Variants in STPG2 observed in about 807,000 individuals in gnomAD.
STPG2 encodes the protein sperm tail PG-rich repeat containing 2, also known as sperm-tail PG-rich repeat-containing protein 2.
A neutral mutation model predicts 54.2 loss-of-function variants in STPG2; 56 were observed. The observed-to-expected ratio is 1.03, with a 90% confidence interval of 0.83 to 1.29. The LOEUF (loss-of-function observed/expected upper bound fraction) is 1.29. STPG2 is among the 50% of genes most tolerant of loss of function. The pLI is 0.00. For missense variants in STPG2, 596 were observed against 544.9 expected (o/e 1.09, Z -0.93); for synonymous variants, 200 against 181.8 (o/e 1.10, Z -0.81).
At chr4:97,590,668 C>CAT (rs1398827795) in intron 10 of STPG2, among the ~76,000 whole-genome samples, 2 of 150,982 alleles carry the variant, frequency 1.3e-5, no homozygotes, top group African/African-American at 2.4e-5. Flanking sequence ...CACACACACA[C>CAT]ACACAGAGAG....
intron 5 of STPG2, among the ~76,000 whole-genome samples, chr4:98,010,957 G>T (rs1735725731): frequency 6.6e-6 from 1 of 151,994 alleles, no homozygotes; most frequent in Non-Finnish European, 1.5e-5. Flanking sequence ...ATATAACTTT[G>T]TAATTTTTTT....
intron 9 of STPG2, among the ~76,000 whole-genome samples, chr4:97,813,669 C>A (rs1490586701): frequency 1.1e-5 from 1 of 89,232 alleles, no homozygotes; most frequent in African/African-American, 4.5e-5. Context: ...TAGCAAGACC[C>A]TGTCTCTTAA....
rs181674544 is a variant in STPG2 at position 97,561,580 on chromosome 4, G to A, written c.1321-2463C>T. On this transcript the variant is annotated intron_variant, in intron 10 of 10. Transcript: ENST00000295268. ...TTCTTCTAGGACTTCTATGGTTTAAGGTCTAACATTTAAGTCTTTAATCCA... is the reference window on the plus strand; with the variant it reads ...TTCTTCTAGGACTTCTATGGTTTAAAGTCTAACATTTAAGTCTTTAATCCA... 4.1e-3 allele frequency among the ~76,000 whole-genome samples: 629 copies of A among 152,228 alleles called. 3 individuals are homozygous for A. The highest frequency in any genetic ancestry group is 0.02 in the South Asian group (97 of 4,818).
intron 10 of STPG2, among the ~76,000 whole-genome samples, chr4:97,579,398 T>A (rs1732807501): frequency 6.6e-6 from 1 of 152,072 alleles, no homozygotes; most frequent in South Asian, 2.1e-4. Context: ...AGAAAAAATT[T>A]AATCTCAAAA....
At chr4:97,772,150 A>C (rs1392993973) in intron 9 of STPG2, among the ~76,000 whole-genome samples, 1 of 152,236 alleles carries the variant, frequency 6.6e-6, no homozygotes. Context: ...AAGAGCATGT[A>C]TTAAAAGGTA....
intron 4 of STPG2, among the ~76,000 whole-genome samples, chr4:97,451,010 G>A (rs2148798005): frequency 6.6e-6 from 1 of 152,120 alleles, no homozygotes; most frequent in South Asian, 2.1e-4. Context: ...CTGGAGGCAG[G>A]GAAGACACTA....
intron 5 of STPG2, among the ~76,000 whole-genome samples, chr4:98,029,981 G>A (rs903845959): frequency 2.0e-5 from 3 of 152,092 alleles, no homozygotes; most frequent in African/African-American, 7.2e-5. Flanking sequence ...GGAAGGAATG[G>A]CAACTTGTCT....
At chr4:98,046,024 T>G (rs2149310424) in intron 5 of STPG2, among the ~76,000 whole-genome samples, 1 of 152,168 alleles carries the variant, frequency 6.6e-6, no homozygotes, top group African/African-American at 2.4e-5. Context: ...ATAAGTCCCT[T>G]AAGTGATCTT....
At chr4:97,963,981 C>T (rs544539924) in intron 7 of STPG2, among the ~76,000 whole-genome samples, 1 of 152,170 alleles carries the variant, frequency 6.6e-6, no homozygotes, top group Admixed American at 6.5e-5. Flanking sequence ...ATCAGATGCA[C>T]CACTGGGACC....
At chr4:97,703,705 T>A (rs961553511) in intron 10 of STPG2, among the ~76,000 whole-genome samples, 2 of 142,698 alleles carry the variant, frequency 1.4e-5, no homozygotes, top group Non-Finnish European at 3.0e-5. Flanking sequence ...ATATATAGTA[T>A]ATTATAGTAT....
At chr4:98,007,205 C>G (rs577702179) in intron 5 of STPG2, among the ~76,000 whole-genome samples, 1 of 152,316 alleles carries the variant, frequency 6.6e-6, no homozygotes, top group African/African-American at 2.4e-5. Context: ...CAGATCTTAC[C>G]TGCAAGTGTG....
chr4:97,932,679 C>T (rs892961106), intron 8 of STPG2, among the ~76,000 whole-genome samples: 2 of 152,154 alleles, frequency 1.3e-5, no homozygotes, highest in African/African-American at 4.8e-5. Context: ...ATCCATGCAC[C>T]CGCAAAGGAC....
chr4:97,974,954 T>C (rs1286343353), intron 6 of STPG2, among the ~76,000 whole-genome samples: 1 of 152,080 alleles, frequency 6.6e-6, no homozygotes, highest in Non-Finnish European at 1.5e-5. Context: ...ACCCAAACCA[T>C]GGCATACTAC....
intron 5 of STPG2, among the ~76,000 whole-genome samples, chr4:98,003,157 A>G (rs891907377): frequency 3.3e-5 from 5 of 152,138 alleles, no homozygotes; most frequent in Non-Finnish European, 7.4e-5. Context: ...CATATTAAAC[A>G]TAAATGGCCC....
chr4:98,011,037 C>A (rs1735729497), intron 5 of STPG2, among the ~76,000 whole-genome samples: 1 of 152,058 alleles, frequency 6.6e-6, no homozygotes, highest in Admixed American at 6.6e-5. Flanking sequence ...TGGTTTGCTG[C>A]ACTGATCAAC....
At chr4:97,657,813 T>C (rs1417551621) in intron 10 of STPG2, among the ~76,000 whole-genome samples, 2 of 152,212 alleles carry the variant, frequency 1.3e-5, no homozygotes, top group Non-Finnish European at 2.9e-5. Flanking sequence ...GTAAATAGAA[T>C]GTTATGCAAA....
At chr4:97,670,314 C>G (rs990412504) in intron 10 of STPG2, among the ~76,000 whole-genome samples, 7 of 151,934 alleles carry the variant, frequency 4.6e-5, no homozygotes, top group African/African-American at 1.5e-4. Flanking sequence ...TAATTAAAAT[C>G]AAATATATTT....
intron 9 of STPG2, among the ~76,000 whole-genome samples, chr4:97,779,710 C>T (rs1726535038): frequency 6.6e-6 from 1 of 152,152 alleles, no homozygotes; most frequent in African/African-American, 2.4e-5. Context: ...AAATGGAAGT[C>T]CATCAGACTA....
At chr4:97,735,174 T>C (rs989233133) in intron 9 of STPG2, among the ~76,000 whole-genome samples, 2 of 151,894 alleles carry the variant, frequency 1.3e-5, no homozygotes, top group Non-Finnish European at 2.9e-5. Flanking sequence ...TATTTATATA[T>C]AGTTCATATA....
Sources: allele counts gnomAD v4.1 joint callset (sites outside exome capture counted in the v4.1 genomes callset), GRCh38; gene constraint gnomAD v4.1.1; transcripts MANE v1.5; gene names NCBI Gene and HGNC (gene_info 2026-07-23, HGNC 2026-07-21).